The following MATN2 variants were observed in gnomAD, a reference collection of about 807,000 sequenced individuals.
The protein encoded by MATN2 is matrilin-2.
Under a neutral mutation model 103.2 loss-of-function variants are expected in MATN2, and 69 were observed. The observed-to-expected ratio is 0.67, with a 90% CI of 0.55 to 0.82. The LOEUF (loss-of-function observed/expected upper bound fraction) is 0.82, where lower values mean the gene tolerates loss of function less well. Among genes scored for constraint, MATN2 ranks in the 40% least tolerant of loss-of-function variants. MATN2 has a pLI of 0.00. For synonymous variants in MATN2, 429 were observed against 450.2 expected, an observed-to-expected ratio of 0.95 and a Z score of 0.60; for missense variants, 1,023 against 1,211.5, an observed-to-expected ratio of 0.84 and a Z score of 2.31.
chr8:98,017,271 A>G (rs1813397258), intron 11 of MATN2, among the ~76,000 whole-genome samples: 1 of 152,218 alleles, frequency 6.6e-6, no homozygotes, highest in Admixed American at 6.5e-5. Context: ...TTCTGGTAGC[A>G]CAAATCCCTC....
chr8:98,012,553 G>A (rs922805931), intron 10 of MATN2, among the ~76,000 whole-genome samples: 1 of 152,180 alleles, frequency 6.6e-6, no homozygotes. Flanking sequence ...CTCTGAGTAC[G>A]GGGTACTGAA....
intron 1 of MATN2, chr8:97,887,790 C>T: frequency 1.4e-5 from 3 of 214,402 alleles, no homozygotes. Flanking sequence ...ATGAACTTAA[C>T]TGATAAGAAA....
chr8:97,917,843 G>C (rs1162933272), intron 2 of MATN2, among the ~76,000 whole-genome samples: 1 of 152,168 alleles, frequency 6.6e-6, no homozygotes, highest in Non-Finnish European at 1.5e-5. Flanking sequence ...CCAGCACTTT[G>C]GGAGACTGAA....
intron 4 of MATN2, among the ~76,000 whole-genome samples, chr8:97,942,685 T>C (rs1810608493): frequency 6.6e-6 from 1 of 152,238 alleles, no homozygotes; most frequent in South Asian, 2.1e-4. Context: ...GTTCGTGCAG[T>C]GCATAACTGT....
At chr8:97,881,606 C>G (rs1462490919) in intron 1 of MATN2, among the ~76,000 whole-genome samples, 1 of 152,216 alleles carries the variant, frequency 6.6e-6, no homozygotes, top group African/African-American at 2.4e-5. Context: ...TCTGTTCGGA[C>G]TGAATTAACC....
chr8:97,896,281 T>C (rs1818802895), intron 2 of MATN2, among the ~76,000 whole-genome samples: 2 of 152,222 alleles, frequency 1.3e-5, no homozygotes, highest in Non-Finnish European at 1.5e-5. Context: ...AAGAAGGAAG[T>C]TGAAGTCAAT....
chr8:97,984,595 A>G (rs1812132789), intron 6 of MATN2, among the ~76,000 whole-genome samples: 1 of 152,212 alleles, frequency 6.6e-6, no homozygotes, highest in Non-Finnish European at 1.5e-5. Flanking sequence ...GCTGGGAAGA[A>G]GCCTTATGGA....
intron 4 of MATN2, among the ~76,000 whole-genome samples, chr8:97,955,281 T>G (rs1027519400): frequency 2.6e-5 from 4 of 152,126 alleles, no homozygotes; most frequent in African/African-American, 4.8e-5. Flanking sequence ...AGGAGGATGC[T>G]AGGCTGGGAT....
chr8:98,008,215 C>T (rs770360151), intron 10 of MATN2, among the ~76,000 whole-genome samples: 30 of 132,006 alleles, frequency 2.3e-4, no homozygotes, highest in Non-Finnish European at 4.1e-4. Context: ...TGCAGCTGGT[C>T]CCAAATCTTG....
In MATN2 at chr8:97,931,673, G is replaced by A. The variant is rs1261224947; in HGVS notation, c.712+151G>A. Among the ~76,000 whole-genome samples the A allele has an allele frequency of 6.6e-6, 1 of 152,142 alleles. No homozygotes were observed. Among genetic ancestry groups the A allele is most frequent in the African/African-American group, 2.4e-5 (1 of 41,434 alleles). ...AAGATAAACACAACGTGCTCCAGGG[G>A]CTTACACTTTGGCCAAGAGACACAT... On this transcript the variant is annotated intron_variant, in intron 3 of 18. Transcript: ENST00000254898. This position sits in a 1 kb window ranked among gnomAD's most constrained non-coding sequence, Gnocchi z 4.1.
At chr8:97,893,465 T>C (rs1818702012) in intron 2 of MATN2, among the ~76,000 whole-genome samples, 2 of 152,198 alleles carry the variant, frequency 1.3e-5, no homozygotes, top group Admixed American at 1.3e-4. Context: ...TACCCCACTT[T>C]CCTATGAGGA....
Position 98,016,488 on chromosome 8 carries a change from AT to A in MATN2, c.1574-51del, listed in dbSNP as rs1459449457. On this transcript the variant is annotated intron_variant, in intron 10 of 18. Transcript: ENST00000254898. Reference sequence around the variant, plus strand: ...TCTTTTATGATTGAATAAGCCACTAATATATGAGTCATTTTCTTCTTCTGTT... The same window carrying A: ...TCTTTTATGATTGAATAAGCCACTAAATATGAGTCATTTTCTTCTTCTGTT... 15 of 1,538,064 alleles carry A rather than the reference AT, an allele frequency of 9.8e-6. No individual in the cohort carries two copies. In the South Asian group the frequency reaches 1.5e-4, roughly 16 times the overall value.
intron 6 of MATN2, among the ~76,000 whole-genome samples, chr8:97,994,224 A>G (rs1302863566): frequency 1.5e-5 from 2 of 137,792 alleles, no homozygotes; most frequent in Middle Eastern, 3.7e-3. Flanking sequence ...GGGAAAGAGG[A>G]AGGAGAAGGG....
intron 2 of MATN2, among the ~76,000 whole-genome samples, chr8:97,919,679 C>A (rs1586414691): frequency 6.6e-6 from 1 of 152,178 alleles, no homozygotes; most frequent in Non-Finnish European, 1.5e-5. Context: ...CTCCCAAACC[C>A]CCACCCACAA....
intron 3 of MATN2, among the ~76,000 whole-genome samples, chr8:97,939,176 C>T (rs1033985202): frequency 2.0e-5 from 3 of 151,952 alleles, no homozygotes; most frequent in Non-Finnish European, 4.4e-5. Context: ...CATGCCTGGC[C>T]GAAAACATCG....
rs569567320 is a variant in MATN2 at position 97,933,036 on chromosome 8, T to C, written c.712+1514T>C. On this transcript the variant is annotated intron_variant, in intron 3 of 18. Coordinates refer to ENST00000254898, the MANE Select transcript of MATN2 (RefSeq NM_002380.5). ...ATATAGCCCCCAGCGAAGAACAATG[T>C]GCTTTTGATGTGTATTAAACAAAAT... Among the ~76,000 whole-genome samples the C allele has an allele frequency of 6.6e-5, 10 of 152,324 alleles. No individual in the cohort carries two copies. The East Asian group carries it at 1.3e-3, about 21-fold the overall frequency.
At chr8:97,927,347 A>T (rs560548531) in intron 2 of MATN2, among the ~76,000 whole-genome samples, 51 of 151,004 alleles carry the variant, frequency 3.4e-4, no homozygotes, top group Non-Finnish European at 2.9e-5. Context: ...TTTAGTAGAG[A>T]TGGGGTTTCT....
chr8:97,919,260 C>G (rs749992847), intron 2 of MATN2, among the ~76,000 whole-genome samples: 5 of 152,150 alleles, frequency 3.3e-5, no homozygotes, highest in South Asian at 2.1e-4. Context: ...GATTCTGATT[C>G]CCTGGGTCTA....
intron 2 of MATN2, among the ~76,000 whole-genome samples, chr8:97,909,884 G>C (rs1490178475): frequency 1.3e-5 from 2 of 150,792 alleles, no homozygotes; most frequent in South Asian, 2.1e-4. Flanking sequence ...CCCGGGTTCA[G>C]GCCATTCTCC....
Sources: gnomAD v4.1 joint callset for allele counts (sites outside exome capture counted in the v4.1 genomes callset) on GRCh38, gnomAD v4.1.1 for gene constraint, Gnocchi (gnomAD v3.1) non-coding constraint, MANE v1.5 for transcripts, NCBI Gene and HGNC (gene_info 2026-07-23, HGNC 2026-07-21) for gene names.